CCDC175: variants seen among roughly 807,000 people sequenced by gnomAD.
CCDC175 encodes coiled-coil domain-containing protein 175.
In CCDC175, 100 loss-of-function variants were observed where a neutral mutation model predicts 114.6. The ratio of observed to expected loss-of-function variants is 0.87; its 90% CI spans 0.74 to 1.03. The LOEUF (loss-of-function observed/expected upper bound fraction) is 1.03. Ranked by LOEUF, CCDC175 falls within the 50% of genes least tolerant of loss-of-function variation. The probability of loss-of-function intolerance (pLI) is 0.00; values close to 1 mark genes in which losing one functional copy is unlikely to be tolerated. For missense variants in CCDC175, 880 were observed against 917.8 expected (o/e 0.96, Z 0.53); for synonymous variants, 306 against 308.7 (o/e 0.99, Z 0.09).
At chr14:59,521,769 C>T (rs909376826) in intron 16 of CCDC175, 93 bp from the exon 17 acceptor site, 1 of 702,854 alleles carries the variant, frequency 1.4e-6, no homozygotes, top group Non-Finnish European at 2.4e-6. Context: ...TAAATTCCTC[C>T]TCTGCGCCAC....
At chr14:59,576,246 T>C (rs1373756630) in intron 1 of CCDC175, among the ~76,000 whole-genome samples, 1 of 152,168 alleles carries the variant, frequency 6.6e-6, no homozygotes, top group East Asian at 1.9e-4. Context: ...CGGCAAAATG[T>C]CGGAGGAAGT....
rs80105101 is a variant in CCDC175, at chr14:59,507,402, T to C, written c.2306-2087A>G. Among the ~76,000 whole-genome samples, 49 of 152,340 alleles carry C rather than the reference T, an allele frequency of 3.2e-4. No individual in the cohort carries two copies. In the East Asian group the frequency reaches 4.2e-3, roughly 13 times the overall value. On this transcript the variant is annotated intron_variant, in intron 19 of 19. Coordinates refer to ENST00000537690, the MANE Select transcript of CCDC175 (RefSeq NM_001164399.2). ...CACTTTAAGGTTCAGGGCCTGGAGT[T>C]TATTCAACTTTGTCACTGTAACATC... is the stretch of plus-strand genomic sequence containing the variant.
In CCDC175 at chr14:59,525,441, A is replaced by G; in HGVS notation, c.1843-7T>C. On this transcript the variant is annotated splice_region_variant and splice_polypyrimidine_tract_variant and intron_variant, in intron 15 of 19. Coordinates refer to ENST00000537690, the MANE Select transcript of CCDC175 (RefSeq NM_001164399.2). ...ATTCTTGTTTTACATCTTCCTGCTC[A>G]AACAGAAAACCCCAAATTATCTCTG... The G allele has an allele frequency of 1.3e-6, 2 of 1,513,412 alleles. No homozygotes were observed. Among genetic ancestry groups the G allele is most frequent in the Non-Finnish European group, 1.8e-6 (2 of 1,139,408 alleles). 93.7% of individuals were successfully genotyped at this position (1,513,412 alleles called of 1,614,324 possible). A position where few individuals can be genotyped will look rare whatever the true frequency, so the allele number is the denominator to read the frequency against.
At chr14:59,522,216 T>TGG (rs1328655294) in intron 16 of CCDC175, among the ~76,000 whole-genome samples, 4 of 152,168 alleles carry the variant, frequency 2.6e-5, no homozygotes, top group Non-Finnish European at 1.5e-5. Context: ...CCAGAAACTC[T>TGG]AAAGTCCCAG....
At chr14:59,539,152 G>A (rs1328338222) in intron 11 of CCDC175, among the ~76,000 whole-genome samples, 1 of 152,212 alleles carries the variant, frequency 6.6e-6, no homozygotes, top group East Asian at 1.9e-4. Flanking sequence ...AGTGGAAAAT[G>A]AGGCCCAGGC....
chr14:59,561,651 G>T (rs1000362159), intron 6 of CCDC175, among the ~76,000 whole-genome samples: 8 of 152,040 alleles, frequency 5.3e-5, no homozygotes, highest in African/African-American at 1.9e-4. Context: ...ATCTATGTTT[G>T]TGCTGAAAAG....
intron 9 of CCDC175, among the ~76,000 whole-genome samples, chr14:59,544,859 C>G (rs1020333252): frequency 2.0e-5 from 3 of 152,062 alleles, no homozygotes; most frequent in African/African-American, 7.2e-5. Context: ...CTCTCTCCAC[C>G]CTGTGAAGAC....
In CCDC175 at chr14:59,510,785, C is replaced by G; in HGVS notation, c.2166G>C (p.Glu722Asp). ...TTAGATTGTTTATGTCTTGCAAGGT[C>G]TCTTCACCATTGTCCACCAAGATCT... ...TVKILVDNGE[E>D]TLQDINNLTD... is the part of the protein sequence containing the mutation. The change falls in exon 19 of 20, where the codon GAG becomes GAC. Residue 722 changes from glutamate to aspartate, a missense_variant. Physicochemically the swap from Glu to Asp is conservative, Grantham distance 45. Transcript: ENST00000537690. 6.5e-7 allele frequency: 1 copy of G among 1,537,228 alleles called. No homozygotes were observed. Among genetic ancestry groups the G allele is most frequent in the Non-Finnish European group, 8.7e-7 (1 of 1,146,846 alleles).
intron 3 of CCDC175, among the ~76,000 whole-genome samples, chr14:59,569,417 C>A (rs1443044416): frequency 6.6e-6 from 1 of 152,196 alleles, no homozygotes; most frequent in African/African-American, 2.4e-5. Context: ...TGCTGCTGAA[C>A]CAAAGACCAC....
Position 59,545,275 on chromosome 14 carries a change from G to A in CCDC175, c.1060C>T (p.Arg354Cys), listed in dbSNP as rs770664706. The part of the protein sequence containing the change: ...KQLVETLHAA[R>C]MEYKDLREKM... ...TCTCGTAGGTCTTTGTATTCCATAC[G>A]AGCAGCATGCAGTGTTTCAACCAGC... The change falls in exon 9 of 20, where the codon CGT becomes TGT. Residue 354 changes from arginine (R) to cysteine (C), a missense_variant. Arg to Cys is a radical substitution (Grantham distance 180). Coordinates refer to ENST00000537690, the MANE Select transcript of CCDC175 (RefSeq NM_001164399.2). 1.0e-5 allele frequency: 16 copies of A among 1,535,988 alleles called. No homozygotes were observed. The highest frequency in any genetic ancestry group is 2.0e-5 in the Admixed American group (1 of 50,886).
At chr14:59,565,316 C>G (rs779872036) in intron 4 of CCDC175, 41 bp from the exon 5 acceptor site, 1 of 1,476,080 alleles carries the variant, frequency 6.8e-7, no homozygotes, top group South Asian at 1.2e-5. Context: ...AAGCACAGCT[C>G]CTAAGAAAGG....
chr14:59,571,223 T>C (rs1191393362), intron 3 of CCDC175, among the ~76,000 whole-genome samples: 2 of 148,310 alleles, frequency 1.3e-5, no homozygotes, highest in Non-Finnish European at 1.5e-5. Context: ...GAAGAAAACA[T>C]AGGGAAAGCC....
At chr14:59,564,678 C>T (rs1182602942) in intron 5 of CCDC175, among the ~76,000 whole-genome samples, 14 of 152,126 alleles carry the variant, frequency 9.2e-5, no homozygotes, top group Admixed American at 9.2e-4. Context: ...CAGGGCTGGG[C>T]TGGTGCCCTA....
chr14:59,550,709 T>C (rs1410440942), intron 8 of CCDC175, among the ~76,000 whole-genome samples: 1 of 152,136 alleles, frequency 6.6e-6, no homozygotes, highest in Non-Finnish European at 1.5e-5. Context: ...GCAGGAAGCA[T>C]CCAGCATGGG....
In CCDC175 at chr14:59,563,985, A is replaced by G. The variant is rs1176351947; in HGVS notation, c.721-126T>C. 7.4e-6 allele frequency: 4 copies of G among 539,932 alleles called. No homozygotes were observed. In the African/African-American group the frequency reaches 7.8e-5, roughly 11 times the overall value. 33.4% of individuals were successfully genotyped at this position (539,932 alleles called of 1,614,324 possible). ...TAAGTATAACATATTCAAGTATAGT[A>G]ATAAGTAAAAAATAAACCTAAAAAC... On this transcript the variant is annotated intron_variant, in intron 5 of 19. Coordinates refer to ENST00000537690, the MANE Select transcript of CCDC175 (RefSeq NM_001164399.2).
At chr14:59,575,097 C>G (rs904302327) in intron 1 of CCDC175, 69 bp from the exon 2 acceptor site, 1 of 827,882 alleles carries the variant, frequency 1.2e-6, no homozygotes, top group Admixed American at 2.9e-5. Context: ...CTTTTATGAT[C>G]TAGCTCAAAT....
At chr14:59,510,853 A>C (rs538821476) in intron 18 of CCDC175, 45 bp from the exon 19 acceptor site, 1 of 1,488,362 alleles carries the variant, frequency 6.7e-7, no homozygotes, top group African/African-American at 1.4e-5. Flanking sequence ...AATTGCTACA[A>C]CATAAATAAA....
At chr14:59,522,221 T>A (rs1893462439) in intron 16 of CCDC175, among the ~76,000 whole-genome samples, 1 of 152,142 alleles carries the variant, frequency 6.6e-6, no homozygotes, top group African/African-American at 2.4e-5. Context: ...AACTCTAAAG[T>A]CCCAGGAACT....
At chr14:59,558,479 A>G (rs1379277559) in intron 7 of CCDC175, among the ~76,000 whole-genome samples, 1 of 152,194 alleles carries the variant, frequency 6.6e-6, no homozygotes, top group African/African-American at 2.4e-5. Flanking sequence ...TATATTTTGA[A>G]TATGAAGGCA....
Sources: gnomAD v4.1 joint callset for allele counts (sites outside exome capture counted in the v4.1 genomes callset) on GRCh38, gnomAD v4.1.1 for gene constraint, MANE v1.5 for transcripts, NCBI Gene and HGNC (gene_info 2026-07-23, HGNC 2026-07-21) for gene names.